The following WIPF2 variants were observed in gnomAD, a reference collection of about 807,000 sequenced individuals.
The protein encoded by WIPF2 is WAS/WASL-interacting protein family member 2.
In WIPF2, 23 loss-of-function variants were observed where a neutral mutation model predicts 38.8. The observed-to-expected ratio is 0.59, with a 90% CI of 0.43 to 0.84. WIPF2 has a LOEUF of 0.84. WIPF2 is among the 40% of genes least tolerant of loss of function. The pLI is 0.00. For missense variants in WIPF2, 574 were observed against 580.5 expected (o/e 0.99, Z 0.11); for synonymous variants, 210 against 223.2 (o/e 0.94, Z 0.53).
intron 5 of WIPF2, among the ~76,000 whole-genome samples, chr17:40,265,532 G>C (rs1417167199): frequency 6.6e-6 from 1 of 152,172 alleles, no homozygotes; most frequent in Non-Finnish European, 1.5e-5. Context: ...AAGCTTAGTA[G>C]TTATCTAGGA....
chr17:40,233,163 C>T (rs368821975), intron 1 of WIPF2, among the ~76,000 whole-genome samples: 2 of 152,048 alleles, frequency 1.3e-5, no homozygotes, highest in African/African-American at 4.8e-5. Context: ...TTAATTAAGT[C>T]TTTAAAATTT....
At chr17:40,233,013 C>T (rs556504740) in intron 1 of WIPF2, among the ~76,000 whole-genome samples, 2 of 152,272 alleles carry the variant, frequency 1.3e-5, no homozygotes, top group East Asian at 3.9e-4. Context: ...AAGTTGCTCT[C>T]ATATTTGCCC....
At chr17:40,257,018 G>A (rs1393122219) in intron 2 of WIPF2, among the ~76,000 whole-genome samples, 1 of 151,690 alleles carries the variant, frequency 6.6e-6, no homozygotes, top group Non-Finnish European at 1.5e-5. Flanking sequence ...TCACTCTGTC[G>A]CCCAGGCTGG....
At chr17:40,246,008 C>A (rs998731672) in intron 1 of WIPF2, among the ~76,000 whole-genome samples, 6 of 151,698 alleles carry the variant, frequency 4.0e-5, no homozygotes, top group Admixed American at 1.3e-4. Flanking sequence ...ATTCTTCTGT[C>A]TGTTTTCTGT....
chr17:40,259,444 A>G (rs2031832064), intron 2 of WIPF2, among the ~76,000 whole-genome samples: 1 of 152,000 alleles, frequency 6.6e-6, no homozygotes, highest in South Asian at 2.1e-4. Flanking sequence ...CTTAAAAAAA[A>G]AAAAAAGCAA....
intron 1 of WIPF2, among the ~76,000 whole-genome samples, chr17:40,234,873 G>A (rs1199968445): frequency 1.3e-5 from 2 of 151,958 alleles, no homozygotes; most frequent in Non-Finnish European, 2.9e-5. Context: ...TACTGGAGAA[G>A]CAATAATGGC....
chr17:40,266,308 T>C (rs2032086421), intron 5 of WIPF2, among the ~76,000 whole-genome samples: 1 of 147,124 alleles, frequency 6.8e-6, no homozygotes, highest in African/African-American at 2.5e-5. Flanking sequence ...AGATGAAGAA[T>C]ACCCAGCAGA....
chr17:40,231,078 G>A (rs2030720628), intron 1 of WIPF2, among the ~76,000 whole-genome samples: 1 of 152,182 alleles, frequency 6.6e-6, no homozygotes, highest in African/African-American at 2.4e-5. Flanking sequence ...ATAACTTAAA[G>A]TAGACTCTTG....
chr17:40,249,738 C>T (rs2031490815), intron 1 of WIPF2, among the ~76,000 whole-genome samples: 1 of 151,808 alleles, frequency 6.6e-6, no homozygotes. Context: ...CAGGTGTGAG[C>T]CACCGCACCC....
At position 40,261,676 on chromosome 17, in the gene WIPF2, T is replaced by G. The variant is rs12051763; in HGVS notation, c.197-849T>G. On this transcript the variant is annotated intron_variant, in intron 3 of 7. Transcript: ENST00000323571. The stretch of plus-strand genomic sequence containing the variant: ...GGCCACTTGTTGTTGTTGTTTTTTT[T>G]TTTTGGTTTTTTTTGTTTTTTTTTT... 2.9e-4 allele frequency among the ~76,000 whole-genome samples: 43 copies of G among 148,832 alleles called. No individual in the cohort carries two copies. The East Asian group carries it at 3.4e-3, about 12-fold the overall frequency.
chr17:40,275,006 G>A (rs1002840538), intron 6 of WIPF2, among the ~76,000 whole-genome samples: 7 of 150,594 alleles, frequency 4.6e-5, no homozygotes, highest in Admixed American at 4.6e-4. Context: ...TTGGGAGGCC[G>A]AGGCAGGCGG....
rs550803259 is a variant in WIPF2, at chr17:40,273,688, G to T, written c.971-102G>T. ...GACAAAGGGGAACCAGGCACTGTGA[G>T]CCTCTGTGGGGTGTGTTACTCTTTT... On this transcript the variant is annotated intron_variant, in intron 5 of 7. Coordinates refer to ENST00000323571, the MANE Select transcript of WIPF2 (RefSeq NM_133264.5). The T allele has an allele frequency of 7.3e-5, 53 of 727,560 alleles. 1 individual carries two copies. The South Asian group carries it at 7.6e-4, about 10-fold the overall frequency. The allele number at this position is 727,560 out of a possible 1,614,324, so 45.1% of individuals were successfully genotyped here. A position where few individuals can be genotyped will look rare whatever the true frequency, so the allele number is the denominator to read the frequency against.
rs1439703033 is a variant in WIPF2, at chr17:40,224,097, A to ATATTATG, written c.-70+4606_-70+4612dup. ...TTATTTGGGAGTAAAAACCTGCTTA[A>ATATTATG]TATTATGCTATTGCAACCTACAGTG... On this transcript the variant is annotated intron_variant, in intron 1 of 7. Transcript: ENST00000323571. Among the ~76,000 whole-genome samples, 18 of 152,014 alleles carry ATATTATG rather than the reference A, an allele frequency of 1.2e-4. No homozygotes were observed. The East Asian group carries it at 3.3e-3, about 28-fold the overall frequency.
chr17:40,268,868 C>T (rs1435843319), intron 5 of WIPF2, among the ~76,000 whole-genome samples: 1 of 152,174 alleles, frequency 6.6e-6, no homozygotes. Context: ...TCTCTTTTCT[C>T]ACCTGTAAAA....
intron 1 of WIPF2, among the ~76,000 whole-genome samples, chr17:40,249,507 T>A (rs1395969879): frequency 8.6e-5 from 13 of 151,724 alleles, no homozygotes; most frequent in Non-Finnish European, 4.4e-5. Context: ...TAGAGTGCAA[T>A]GGCGCAATCT....
chr17:40,221,363 C>T (rs527776183), intron 1 of WIPF2, among the ~76,000 whole-genome samples: 4 of 151,984 alleles, frequency 2.6e-5, no homozygotes, highest in Non-Finnish European at 4.4e-5. Flanking sequence ...CTGTCCCTGC[C>T]TCTAAAAGTT....
rs761486438 is a variant in WIPF2 at position 40,264,914 on chromosome 17, G to A, written c.738G>A (p.Gln246=). 134 of 1,614,074 alleles carry A rather than the reference G, an allele frequency of 8.3e-5. No individual in the cohort carries two copies. Among genetic ancestry groups the A allele is most frequent in the Non-Finnish European group, 4.2e-6 (5 of 1,180,036 alleles). Reference sequence around the variant, plus strand: ...ATATCAGAACAGGACCAAGTGGCCAGTCTCTGGCTCCTCCTCCTCCGCCTT... The same window carrying A: ...ATATCAGAACAGGACCAAGTGGCCAATCTCTGGCTCCTCCTCCTCCGCCTT... ...PVNIRTGPSG[Q]SLAPPPPPYR... is the part of the protein sequence containing the mutation. Residue 246 remains glutamine, a synonymous_variant, in exon 5 of 8, where the codon CAG becomes CAA. Transcript: ENST00000323571.
chr17:40,249,034 A>C (rs75346608), intron 1 of WIPF2, among the ~76,000 whole-genome samples: 1 of 152,092 alleles, frequency 6.6e-6, no homozygotes. Context: ...GATTTTGTTC[A>C]GTGCTTTGAT....
At chr17:40,239,639 G>A (rs2145315056) in intron 1 of WIPF2, among the ~76,000 whole-genome samples, 1 of 150,620 alleles carries the variant, frequency 6.6e-6, no homozygotes, top group East Asian at 2.0e-4. Context: ...CCTTATTTCC[G>A]TCACTGCCCT....
Sources: gnomAD v4.1 joint callset for allele counts (sites outside exome capture counted in the v4.1 genomes callset) on GRCh38, gnomAD v4.1.1 for gene constraint, MANE v1.5 for transcripts, NCBI Gene and HGNC (gene_info 2026-07-23, HGNC 2026-07-21) for gene names.